ARHGAP6: variants seen among roughly 807,000 people sequenced by gnomAD.
ARHGAP6 encodes rho GTPase-activating protein 6.
In ARHGAP6, 16 loss-of-function variants were observed where a neutral mutation model predicts 55.7. The observed-to-expected ratio is 0.29, with a 90% CI of 0.19 to 0.44. The LOEUF is 0.44. Among genes scored for constraint, ARHGAP6 ranks in the 20% least tolerant of loss-of-function variants. ARHGAP6 has a pLI of 1.00. For synonymous variants in ARHGAP6, 382 were observed against 360.9 expected (o/e 1.06, Z -0.66); for missense variants, 698 against 808.9 (o/e 0.86, Z 1.66).
intron 9 of ARHGAP6, among the ~76,000 whole-genome samples, chrX:11,167,801 T>C: frequency 8.9e-6 from 1 of 112,606 alleles, no homozygotes; most frequent in Non-Finnish European, 1.9e-5. Context: ...TTAAACTTGA[T>C]GAAAATGTTG....
chrX:11,287,727 G>T (rs1462485838), intron 1 of ARHGAP6, among the ~76,000 whole-genome samples: 2 of 112,005 alleles, frequency 1.8e-5, no homozygotes, highest in Non-Finnish European at 3.8e-5. Flanking sequence ...TTCTTCCAAT[G>T]ACTCAGCCCT....
chrX:11,211,466 G>A (rs948690466), intron 2 of ARHGAP6, among the ~76,000 whole-genome samples: 3 of 110,875 alleles, frequency 2.7e-5, no homozygotes, highest in Non-Finnish European at 5.7e-5. Flanking sequence ...TCCTGACCTC[G>A]TGATCCGCCC....
At chrX:11,363,074 A>T (rs2049032904) in intron 1 of ARHGAP6, among the ~76,000 whole-genome samples, 1 of 111,947 alleles carries the variant, frequency 8.9e-6, no homozygotes, top group African/African-American at 3.2e-5. Context: ...AAGGTAGAGG[A>T]TTTTTCCAAC....
chrX:11,534,094 T>C (rs768826470), intron 1 of ARHGAP6, among the ~76,000 whole-genome samples: 2 of 110,817 alleles, frequency 1.8e-5, no homozygotes, highest in African/African-American at 3.3e-5. Context: ...ATAAATGGAC[T>C]CAAGAGACTT....
intron 1 of ARHGAP6, chrX:11,294,825 G>A (rs2048054564): frequency 8.3e-7 from 1 of 1,210,046 alleles, no homozygotes; most frequent in African/African-American, 1.7e-5. Context: ...CCTCCTGGGA[G>A]CAGCTTTTGC....
chrX:11,209,986 C>T (rs1391631063), intron 2 of ARHGAP6, among the ~76,000 whole-genome samples: 1 of 112,638 alleles, frequency 8.9e-6, no homozygotes, highest in Non-Finnish European at 1.9e-5. Flanking sequence ...AACAACTATA[C>T]ATCATACAGT....
chrX:11,354,319 CTCTCTCTCTA>C (rs1357015372), intron 1 of ARHGAP6, among the ~76,000 whole-genome samples: 43 of 67,982 alleles, frequency 6.3e-4, no homozygotes, highest in East Asian at 1.3e-3. Context: ...CTCTCTCTCT[CTCTCTCTCTA>C]TATATATATA....
chrX:11,155,203 T>G (rs1256131566), intron 10 of ARHGAP6, among the ~76,000 whole-genome samples: 2 of 112,659 alleles, frequency 1.8e-5, no homozygotes, highest in African/African-American at 6.4e-5. Context: ...GAAAATTAAT[T>G]TATCAAGTTC....
chrX:11,606,716 C>T (rs1050414795), intron 1 of ARHGAP6, among the ~76,000 whole-genome samples: 1 of 111,624 alleles, frequency 9.0e-6, no homozygotes, highest in African/African-American at 3.3e-5. Context: ...CTCAGTTTTA[C>T]TCTTTAAAAT....
intron 3 of ARHGAP6, among the ~76,000 whole-genome samples, chrX:11,194,512 C>G (rs891805859): frequency 8.9e-6 from 1 of 111,872 alleles, no homozygotes; most frequent in South Asian, 3.7e-4. Context: ...GTCAGGGGTG[C>G]GGATCACTGA....
intron 1 of ARHGAP6, among the ~76,000 whole-genome samples, chrX:11,477,054 AT>A (rs2050409946): frequency 9.0e-6 from 1 of 110,518 alleles, no homozygotes; most frequent in East Asian, 2.8e-4. Context: ...TAGGAAAAAA[AT>A]ATCCACAATA....
chrX:11,180,321 C>A (rs2046298509), intron 6 of ARHGAP6, among the ~76,000 whole-genome samples: 1 of 111,003 alleles, frequency 9.0e-6, no homozygotes, highest in African/African-American at 3.3e-5. Context: ...CTACACTATG[C>A]AAAAAACTTC....
intron 1 of ARHGAP6, among the ~76,000 whole-genome samples, chrX:11,311,570 TG>T (rs371625940): frequency 3.6e-5 from 4 of 111,348 alleles, no homozygotes; most frequent in African/African-American, 1.3e-4. Flanking sequence ...TTGCCTATTC[TG>T]GGTTTGTCTT....
chrX:11,228,321 A>G (rs2047083356), intron 2 of ARHGAP6, among the ~76,000 whole-genome samples: 1 of 112,247 alleles, frequency 8.9e-6, no homozygotes, highest in African/African-American at 3.2e-5. Flanking sequence ...TTTCACTGAA[A>G]TCTGGAATTA....
intron 1 of ARHGAP6, among the ~76,000 whole-genome samples, chrX:11,639,677 G>A (rs958280953): frequency 3.6e-5 from 4 of 110,747 alleles, no homozygotes; most frequent in African/African-American, 1.3e-4. Flanking sequence ...ATACTTTACA[G>A]TATATATCTG....
chrX:11,376,852 G>C (rs2049206779), intron 1 of ARHGAP6, among the ~76,000 whole-genome samples: 1 of 111,259 alleles, frequency 9.0e-6, no homozygotes, highest in Non-Finnish European at 1.9e-5. Context: ...CTCCTGATGA[G>C]ACAAGGGGGG....
chrX:11,361,859 C>T (rs1268218594), intron 1 of ARHGAP6, among the ~76,000 whole-genome samples: 1 of 112,261 alleles, frequency 8.9e-6, no homozygotes, highest in African/African-American at 3.2e-5. Flanking sequence ...TGAACAGACA[C>T]TTCTCAAAAG....
intron 1 of ARHGAP6, among the ~76,000 whole-genome samples, chrX:11,446,949 T>C (rs1330592639): frequency 1.8e-5 from 2 of 112,019 alleles, no homozygotes; most frequent in Non-Finnish European, 1.9e-5. Flanking sequence ...AGTCTCTAAA[T>C]GCTAGGAACA....
intron 8 of ARHGAP6, among the ~76,000 whole-genome samples, chrX:11,171,602 A>C (rs1028005100): frequency 8.9e-6 from 1 of 112,457 alleles, no homozygotes; most frequent in African/African-American, 3.2e-5. Context: ...GTAAATTCCT[A>C]CAAGTTGAAT....
Sources: gnomAD v4.1 joint callset for allele counts (sites outside exome capture counted in the v4.1 genomes callset) on GRCh38, gnomAD v4.1.1 for gene constraint, MANE v1.5 for transcripts, NCBI Gene and HGNC (gene_info 2026-07-23, HGNC 2026-07-21) for gene names.